Variants in UCK2 observed in about 807,000 individuals in gnomAD.
UCK2 encodes cytidine monophosphokinase 2.
A neutral mutation model predicts 30.8 loss-of-function variants in UCK2; 6 were observed. That is an observed-to-expected ratio of 0.19 (90% CI 0.11 to 0.38). The LOEUF (loss-of-function observed/expected upper bound fraction) is 0.38, where lower values mean the gene tolerates loss of function less well. Ranked by LOEUF, UCK2 falls within the 10% of genes least tolerant of loss-of-function variation. UCK2 has a pLI of 1.00. For missense variants in UCK2, 210 were observed against 339.8 expected (o/e 0.62, Z 3.00); for synonymous variants, 125 against 133.6 (o/e 0.94, Z 0.45).
intron 1 of UCK2, among the ~76,000 whole-genome samples, chr1:165,854,986 C>T (rs1336060877): frequency 6.6e-6 from 1 of 152,134 alleles, no homozygotes; most frequent in African/African-American, 2.4e-5. Flanking sequence ...TTTCTAGATA[C>T]TTTGTACACA....
chr1:165,885,708 C>T (rs1317841622), intron 1 of UCK2, among the ~76,000 whole-genome samples: 2 of 152,188 alleles, frequency 1.3e-5, no homozygotes, highest in Non-Finnish European at 2.9e-5. Flanking sequence ...AGATGGACGG[C>T]TAGAGTGGGA....
intron 1 of UCK2, among the ~76,000 whole-genome samples, chr1:165,867,003 C>T (rs1339897776): frequency 4.6e-5 from 7 of 152,082 alleles, no homozygotes; most frequent in Non-Finnish European, 7.3e-5. Flanking sequence ...TTGCAGACCA[C>T]GGCAATAAAG....
chr1:165,845,900 C>A (rs1654434636), intron 1 of UCK2, among the ~76,000 whole-genome samples: 1 of 152,288 alleles, frequency 6.6e-6, no homozygotes, highest in South Asian at 2.1e-4. Flanking sequence ...ACTCTGTACT[C>A]CAGTGATCCT....
At chr1:165,851,269 G>A (rs978442793) in intron 1 of UCK2, among the ~76,000 whole-genome samples, 2 of 152,226 alleles carry the variant, frequency 1.3e-5, no homozygotes, top group Non-Finnish European at 2.9e-5. Context: ...TTTTCTTTCT[G>A]TGGTTTATCC....
chr1:165,871,001 A>G (rs1240085592), intron 1 of UCK2, among the ~76,000 whole-genome samples: 1 of 152,106 alleles, frequency 6.6e-6, no homozygotes, highest in African/African-American at 2.4e-5. Context: ...TATTTTTAGT[A>G]GAGGAGTTTC....
In UCK2 at chr1:165,866,247, A is replaced by G. The variant is rs375895874; in HGVS notation, c.100-23957A>G. On this transcript the variant is annotated intron_variant, in intron 1 of 6. Coordinates refer to ENST00000367879, the MANE Select transcript of UCK2 (RefSeq NM_012474.5). ...ATTTTTTTTGAAAGTATTTGTTAAG[A>G]GTGAATTGGTTTCTATAACTGTGAA... Among the ~76,000 whole-genome samples, 13 of 152,284 alleles carry G rather than the reference A, an allele frequency of 8.5e-5. No homozygotes were observed. In the East Asian group the frequency reaches 2.5e-3, roughly 29 times the overall value.
intron 1 of UCK2, among the ~76,000 whole-genome samples, chr1:165,852,118 C>A (rs1654611676): frequency 6.6e-6 from 1 of 152,168 alleles, no homozygotes; most frequent in African/African-American, 2.4e-5. Context: ...ATTGCTGGGT[C>A]AAATGGCATT....
At chr1:165,886,067 A>G (rs1373305045) in intron 1 of UCK2, among the ~76,000 whole-genome samples, 1 of 152,068 alleles carries the variant, frequency 6.6e-6, no homozygotes, top group Non-Finnish European at 1.5e-5. Flanking sequence ...GCCCCTGGCA[A>G]CCACCATTTA....
Position 165,827,792 on chromosome 1 carries a change from C to A in UCK2, c.-42C>A. 1 of 1,346,390 alleles carries A rather than the reference C, an allele frequency of 7.4e-7. No homozygotes were observed. The highest frequency in any genetic ancestry group is 1.9e-5 in the South Asian group (1 of 51,470). 83.4% of individuals were successfully genotyped at this position (1,346,390 alleles called of 1,614,324 possible). On this transcript the variant is annotated 5_prime_UTR_variant, in exon 1 of 7. Transcript: ENST00000367879. ...GACGCGGGCGCGGGCGGGGAGCGTG[C>A]GTCCGTTCGCACAGGCAGCGGGAGG...
At chr1:165,828,049 C>CG in intron 1 of UCK2, 117 bp downstream of exon 1, 2 of 667,280 alleles carry the variant, frequency 3.0e-6, no homozygotes, top group Non-Finnish European at 3.9e-6. Context: ...CGCGCGCCTC[C>CG]GCTCCCGGCC....
At chr1:165,869,986 A>G (rs1359719593) in intron 1 of UCK2, among the ~76,000 whole-genome samples, 1 of 151,816 alleles carries the variant, frequency 6.6e-6, no homozygotes, top group Non-Finnish European at 1.5e-5. Context: ...CATCTTACTT[A>G]TTTTTTTCTT....
At chr1:165,879,689 T>C (rs1380002732) in intron 1 of UCK2, among the ~76,000 whole-genome samples, 1 of 152,050 alleles carries the variant, frequency 6.6e-6, no homozygotes, top group Non-Finnish European at 1.5e-5. Context: ...CTTTTCTCTT[T>C]TTTGATTCTT....
intron 1 of UCK2, among the ~76,000 whole-genome samples, chr1:165,848,095 G>A (rs920117003): frequency 6.6e-6 from 1 of 152,218 alleles, no homozygotes. Flanking sequence ...TTGGCATTTA[G>A]TGTTAACATA....
At chr1:165,857,032 T>A (rs1037155282) in intron 1 of UCK2, among the ~76,000 whole-genome samples, 5 of 151,950 alleles carry the variant, frequency 3.3e-5, no homozygotes, top group Non-Finnish European at 7.4e-5. Flanking sequence ...GTATTTCAAC[T>A]CGAAGAAAGG....
At position 165,903,192 on chromosome 1, in the gene UCK2, C is replaced by T; in HGVS notation, c.510C>T (p.Asp170=). 1 of 1,613,856 alleles carries T rather than the reference C, an allele frequency of 6.2e-7. No individual in the cohort carries two copies. The highest frequency in any genetic ancestry group is 1.3e-5 in the African/African-American group (1 of 75,040). The change falls in exon 5 of 7, where the codon GAC becomes GAT. Residue 170 remains aspartate, a synonymous_variant. Coordinates refer to ENST00000367879, the MANE Select transcript of UCK2 (RefSeq NM_012474.5). ...TCCCTTCTCTTACAGTATTAAGGGA[C>T]ATCAGCGAGAGAGGCAGGGATCTTG... is the stretch of plus-strand genomic sequence containing the variant. ...DTRLSRRVLR[D]ISERGRDLEQ...
At chr1:165,838,817 A>T (rs1426364824) in intron 1 of UCK2, among the ~76,000 whole-genome samples, 3 of 151,778 alleles carry the variant, frequency 2.0e-5, no homozygotes, top group Admixed American at 2.0e-4. Flanking sequence ...GGAGGCCGGG[A>T]TGGGCAGGTC....
rs573504660 is a variant in UCK2 at position 165,882,003 on chromosome 1, T to G, written c.100-8201T>G. On this transcript the variant is annotated intron_variant, in intron 1 of 6. Coordinates refer to ENST00000367879, the MANE Select transcript of UCK2 (RefSeq NM_012474.5). ...CAACAGATGGATCAGGAATTAAAAC[T>G]GGGAGCTTCTGTTGTGGGGAATCTT... 6.6e-5 allele frequency among the ~76,000 whole-genome samples: 10 copies of G among 152,332 alleles called. No homozygotes were observed. In the South Asian group the frequency reaches 2.1e-3, roughly 32 times the overall value.
intron 1 of UCK2, among the ~76,000 whole-genome samples, chr1:165,837,207 C>T (rs1341708004): frequency 1.3e-5 from 2 of 152,180 alleles, no homozygotes; most frequent in Non-Finnish European, 2.9e-5. Context: ...AACCACAGCC[C>T]TTGTGTTCCA....
At chr1:165,853,794 C>T (rs1334443275) in intron 1 of UCK2, among the ~76,000 whole-genome samples, 1 of 152,142 alleles carries the variant, frequency 6.6e-6, no homozygotes, top group East Asian at 1.9e-4. Flanking sequence ...TATCTCCCTT[C>T]TTGAGTATTT....
Sources: allele counts gnomAD v4.1 joint callset (sites outside exome capture counted in the v4.1 genomes callset), GRCh38; gene constraint gnomAD v4.1.1; transcripts MANE v1.5; gene names NCBI Gene and HGNC (gene_info 2026-07-23, HGNC 2026-07-21).